EGFLAM: variants seen among roughly 807,000 people sequenced by gnomAD.
EGFLAM encodes the protein pikachurin.
Under a neutral mutation model 113.1 loss-of-function variants are expected in EGFLAM, and 79 were observed. The ratio of observed to expected loss-of-function variants is 0.70; its 90% CI spans 0.58 to 0.84. The LOEUF is 0.84. Ranked by LOEUF, EGFLAM falls within the 40% of genes least tolerant of loss-of-function variation. EGFLAM has a pLI of 0.00. For missense variants in EGFLAM, 1,265 were observed against 1,291.6 expected (o/e 0.98, Z 0.32); for synonymous variants, 504 against 487.6 (o/e 1.03, Z -0.44).
At chr5:38,452,596 G>A (rs1325619318) in intron 19 of EGFLAM, among the ~76,000 whole-genome samples, 1 of 152,188 alleles carries the variant, frequency 6.6e-6, no homozygotes, top group Non-Finnish European at 1.5e-5. Context: ...CAGCAGCTCA[G>A]GGAGGTCTAA....
chr5:38,377,617 A>G (rs1329949648), intron 6 of EGFLAM, among the ~76,000 whole-genome samples: 4 of 152,256 alleles, frequency 2.6e-5, no homozygotes, highest in Non-Finnish European at 5.9e-5. Flanking sequence ...GAAAGGAAAC[A>G]GTTGTTCTAG....
At chr5:38,303,465 T>G (rs1352331468) in intron 1 of EGFLAM, among the ~76,000 whole-genome samples, 1 of 152,152 alleles carries the variant, frequency 6.6e-6, no homozygotes, top group African/African-American at 2.4e-5. Flanking sequence ...AAATGCTGTG[T>G]AGGGGAGATG....
chr5:38,371,612 GCACACACACATACA>G (rs967744141), intron 6 of EGFLAM, among the ~76,000 whole-genome samples: 5 of 151,038 alleles, frequency 3.3e-5, no homozygotes, highest in African/African-American at 1.2e-4. Context: ...ACACACATGC[GCACACACACATACA>G]CACACACACA....
At chr5:38,357,761 C>G (rs1673038463) in intron 5 of EGFLAM, among the ~76,000 whole-genome samples, 1 of 152,004 alleles carries the variant, frequency 6.6e-6, no homozygotes. Flanking sequence ...CCAGTTCTCT[C>G]TCTGTCCTCA....
chr5:38,429,201 A>G (rs1272538059), intron 14 of EGFLAM, among the ~76,000 whole-genome samples: 2 of 152,244 alleles, frequency 1.3e-5, no homozygotes, highest in East Asian at 3.8e-4. Flanking sequence ...GTGATCGATA[A>G]AAGGATGTTG....
intron 1 of EGFLAM, among the ~76,000 whole-genome samples, chr5:38,276,198 A>T (rs1049774325): frequency 1.3e-5 from 2 of 152,080 alleles, no homozygotes; most frequent in African/African-American, 4.8e-5. Context: ...AAACCATCAG[A>T]TCTTATGAGA....
chr5:38,445,087 T>G (rs1340569688), intron 17 of EGFLAM, among the ~76,000 whole-genome samples: 1 of 152,206 alleles, frequency 6.6e-6, no homozygotes, highest in African/African-American at 2.4e-5. Context: ...AAGCATAGTT[T>G]GACTATTTTT....
At chr5:38,456,371 G>A (rs1031072050) in intron 19 of EGFLAM, among the ~76,000 whole-genome samples, 1 of 152,146 alleles carries the variant, frequency 6.6e-6, no homozygotes, top group African/African-American at 2.4e-5. Context: ...CTGCCTCTCA[G>A]AACGGCCATA....
chr5:38,392,157 G>A (rs1309855482), intron 6 of EGFLAM, among the ~76,000 whole-genome samples: 1 of 152,104 alleles, frequency 6.6e-6, no homozygotes, highest in Non-Finnish European at 1.5e-5. Flanking sequence ...TCTTCTTCGT[G>A]TTCATAAGTT....
intron 1 of EGFLAM, among the ~76,000 whole-genome samples, chr5:38,307,273 C>A (rs1418747154): frequency 6.6e-6 from 1 of 152,120 alleles, no homozygotes; most frequent in African/African-American, 2.4e-5. Flanking sequence ...GATTCTGTGT[C>A]CCCACCCAAA....
Position 38,409,481 on chromosome 5 carries a change from G to C in EGFLAM, c.1349+377G>C, listed in dbSNP as rs181936104. ...TCTGGAGGTGCTGTTGAATGTACCT[G>C]GCACTGGAGGTGCTGTTGAATGTAC... On this transcript the variant is annotated intron_variant, in intron 10 of 21. Transcript: ENST00000322350. Among the ~76,000 whole-genome samples, 162 of 152,266 alleles carry C rather than the reference G, an allele frequency of 1.1e-3. 2 individuals carry two copies. Among genetic ancestry groups the C allele is most frequent in the Non-Finnish European group, 1.1e-3 (76 of 68,016 alleles).
chr5:38,363,957 G>A (rs774053147), intron 5 of EGFLAM, among the ~76,000 whole-genome samples: 7 of 152,172 alleles, frequency 4.6e-5, no homozygotes, highest in Non-Finnish European at 1.0e-4. Context: ...AATGGGTGAG[G>A]TTAAACAGTA....
chr5:38,300,595 C>T (rs1314501970), intron 1 of EGFLAM, among the ~76,000 whole-genome samples: 2 of 152,090 alleles, frequency 1.3e-5, no homozygotes, highest in Non-Finnish European at 2.9e-5. Context: ...AGGCTGGTCT[C>T]GAACTACTGA....
At chr5:38,307,820 C>A (rs1197787899) in intron 1 of EGFLAM, among the ~76,000 whole-genome samples, 1 of 152,212 alleles carries the variant, frequency 6.6e-6, no homozygotes, top group African/African-American at 2.4e-5. Flanking sequence ...TCTACAAATT[C>A]ACTGGGTAGG....
Position 38,260,683 on chromosome 5 carries a change from T to C in EGFLAM, c.97+1832T>C, listed in dbSNP as rs201174618. On this transcript the variant is annotated intron_variant, in intron 1 of 21. Coordinates refer to ENST00000322350, the MANE Select transcript of EGFLAM (RefSeq NM_152403.4). Reference sequence around the variant, plus strand: ...CTAGGTTCAACCTAGAAGAGTTTTATTTTTATTACTTTATAATTTTATCCA... The same window carrying C: ...CTAGGTTCAACCTAGAAGAGTTTTACTTTTATTACTTTATAATTTTATCCA... 1.7e-4 allele frequency among the ~76,000 whole-genome samples: 26 copies of C among 152,374 alleles called. No individual in the cohort carries two copies. The East Asian group carries it at 5.0e-3, about 29-fold the overall frequency.
At chr5:38,310,404 A>G (rs1339886335) in intron 1 of EGFLAM, among the ~76,000 whole-genome samples, 5 of 152,196 alleles carry the variant, frequency 3.3e-5, no homozygotes, top group Admixed American at 6.5e-5. Flanking sequence ...TGAGGTGACT[A>G]TGAAGATTAA....
chr5:38,317,680 C>A (rs1738636673), intron 1 of EGFLAM, among the ~76,000 whole-genome samples: 1 of 152,182 alleles, frequency 6.6e-6, no homozygotes, highest in Non-Finnish European at 1.5e-5. Context: ...CAGGAAATGT[C>A]AACCCTTTTG....
intron 6 of EGFLAM, among the ~76,000 whole-genome samples, chr5:38,397,153 G>A (rs1034726847): frequency 1.3e-5 from 2 of 152,194 alleles, no homozygotes; most frequent in African/African-American, 4.8e-5. Context: ...TTCATGAAAC[G>A]TGCTGAGCAT....
chr5:38,337,695 T>C lies in EGFLAM; in HGVS notation c.207+66T>C, dbSNP rs1739225216. The C allele has an allele frequency of 2.1e-5, 28 of 1,344,414 alleles. No homozygotes were observed. In the South Asian group the frequency reaches 3.7e-4, roughly 18 times the overall value. 83.3% of individuals were successfully genotyped at this position (1,344,414 alleles called of 1,614,324 possible). A position where few individuals can be genotyped will look rare whatever the true frequency, so the allele number is the denominator to read the frequency against. ...GTGTGACTGTATGTCTTTCTCATCC[T>C]TGCTTTTTCTAGATATCTGTCCTTC... On this transcript the variant is annotated intron_variant, in intron 2 of 21. Transcript: ENST00000322350.
Sources: gnomAD v4.1 joint callset for allele counts (sites outside exome capture counted in the v4.1 genomes callset) on GRCh38, gnomAD v4.1.1 for gene constraint, MANE v1.5 for transcripts, NCBI Gene and HGNC (gene_info 2026-07-23, HGNC 2026-07-21) for gene names.